Variants in PIP5K1C observed in about 807,000 individuals in gnomAD.
The protein encoded by PIP5K1C is phosphatidylinositol-4-phosphate 5-kinase type 1 gamma.
Under a neutral mutation model 80.1 loss-of-function variants are expected in PIP5K1C, and 45 were observed. The observed-to-expected ratio is 0.56, with a 90% CI of 0.44 to 0.72. The LOEUF (loss-of-function observed/expected upper bound fraction) is 0.72, where lower values mean the gene tolerates loss of function less well. Ranked by LOEUF, PIP5K1C falls within the 30% of genes least tolerant of loss-of-function variation. The probability of loss-of-function intolerance (pLI) is 0.00; values close to 1 mark genes in which losing one functional copy is unlikely to be tolerated. For synonymous variants in PIP5K1C, 498 were observed against 420.1 expected (o/e 1.19, Z -2.27); for missense variants, 753 against 954.6 (o/e 0.79, Z 2.78).
At chr19:3,654,533 G>A (rs1019263373) in intron 6 of PIP5K1C, among the ~76,000 whole-genome samples, 1 of 152,244 alleles carries the variant, frequency 6.6e-6, no homozygotes, top group African/African-American at 2.4e-5. Flanking sequence ...AAAGTGGAAA[G>A]GGCCCAGTGC....
In PIP5K1C at chr19:3,643,641, C is replaced by A. The variant is rs538702102; in HGVS notation, c.1511-260G>T. ...CCGTCCCCTCTCCACTCTCCCTCCC[C>A]GCTGTCTTCCCCTCCACTGCTCTCT... On this transcript the variant is annotated intron_variant, in intron 12 of 17. Transcript: ENST00000335312. Among the ~76,000 whole-genome samples, 30 of 152,036 alleles carry A rather than the reference C, an allele frequency of 2.0e-4. 1 individual carries two copies. Among genetic ancestry groups the A allele is most frequent in the Non-Finnish European group, 1.5e-5 (1 of 67,982 alleles).
chr19:3,678,480 G>A (rs2145564724), intron 1 of PIP5K1C, among the ~76,000 whole-genome samples: 1 of 131,920 alleles, frequency 7.6e-6, no homozygotes, highest in Non-Finnish European at 1.6e-5. Context: ...AGGGATGGAG[G>A]AGGGATGGAG....
At chr19:3,639,124 T>C (rs2033845475) in intron 15 of PIP5K1C, 108 bp from the exon 16 acceptor site, 1 of 1,361,202 alleles carries the variant, frequency 7.3e-7, no homozygotes, top group Admixed American at 1.9e-5. Flanking sequence ...ATCACGGAGA[T>C]GAAAAGCCAG....
At position 3,655,163 on chromosome 19, in the gene PIP5K1C, A is replaced by G. The variant is rs1334420807; in HGVS notation, c.621+1242T>C. On this transcript the variant is annotated intron_variant, in intron 6 of 17. Transcript: ENST00000335312. ...GCCAGGCGCGGTGGCTCACGCCTAT[A>G]ATTCCAACACTCCAGGAGGCCGAGA... is the stretch of plus-strand genomic sequence containing the variant. 4.7e-5 allele frequency among the ~76,000 whole-genome samples: 7 copies of G among 148,718 alleles called. No homozygotes were observed. The Admixed American group carries it at 4.8e-4, about 10-fold the overall frequency.
intron 16 of PIP5K1C, chr19:3,638,082 C>T (rs948503942): frequency 1.2e-5 from 17 of 1,436,082 alleles, no homozygotes; most frequent in South Asian, 7.3e-5. Context: ...GCCTGGTGCC[C>T]GTGCCCAGCC....
At chr19:3,670,286 A>T (rs1293028285) in intron 1 of PIP5K1C, among the ~76,000 whole-genome samples, 1 of 152,160 alleles carries the variant, frequency 6.6e-6, no homozygotes, top group Non-Finnish European at 1.5e-5. Flanking sequence ...CGTATTTGGA[A>T]AGAGAGTCTT....
In PIP5K1C at chr19:3,661,838, G is replaced by T. The variant is rs1463344334; in HGVS notation, c.350+33C>A. On this transcript the variant is annotated intron_variant, in intron 4 of 17. Coordinates refer to ENST00000335312, the MANE Select transcript of PIP5K1C (RefSeq NM_012398.3). ...CCGCCTCAGAGCCACGTGTGTGCTG[G>T]GTGAGCCCTGAGGCTCCGGGGGCCC... 13 of 1,608,142 alleles carry T rather than the reference G, an allele frequency of 8.1e-6. 1 individual carries two copies. Among genetic ancestry groups the T allele is most frequent in the African/African-American group, 1.3e-5 (1 of 74,930 alleles).
rs959550770 is a variant in PIP5K1C at position 3,632,785 on chromosome 19, C to T, written c.*382G>A. 9.3e-6 allele frequency: 2 copies of T among 214,818 alleles called. No individual in the cohort carries two copies. The highest frequency in any genetic ancestry group is 2.3e-5 in the African/African-American group (1 of 43,348). The allele number at this position is 214,818 out of a possible 1,614,324, so 13.3% of individuals were successfully genotyped here. A position where few individuals can be genotyped will look rare whatever the true frequency, so the allele number is the denominator to read the frequency against. ...ACAGCCTGGCTTCTTCCTCAGGACA[C>T]AGGCAGGCACAGCAGAGAACCAAAG... is the stretch of plus-strand genomic sequence containing the variant. On this transcript the variant is annotated 3_prime_UTR_variant, in exon 18 of 18. Transcript: ENST00000335312.
intron 2 of PIP5K1C, 131 bp from the exon 3 acceptor site, chr19:3,665,045 C>A: frequency 1.3e-6 from 1 of 765,354 alleles, no homozygotes; most frequent in South Asian, 1.5e-5. Context: ...GGGGGCAGGT[C>A]CAGGCGACTC....
At chr19:3,649,825 C>A (rs2145431459) in intron 8 of PIP5K1C, 1 of 163,266 alleles carries the variant, frequency 6.1e-6, no homozygotes, top group East Asian at 2.1e-4. Flanking sequence ...GCCCACACGT[C>A]CCCTGCCCAG....
intron 1 of PIP5K1C, among the ~76,000 whole-genome samples, chr19:3,680,472 T>G (rs909449035): frequency 2.0e-5 from 3 of 152,150 alleles, no homozygotes; most frequent in African/African-American, 7.2e-5. Flanking sequence ...TCTCAGCTAA[T>G]TTTTCTATTT....
chr19:3,637,254 TC>T lies in PIP5K1C; in HGVS notation c.1920+1629del. On this transcript the variant is annotated intron_variant, in intron 16 of 17. Transcript: ENST00000335312. This position sits in a 1 kb window ranked among gnomAD's most constrained non-coding sequence, Gnocchi z 7.0. Reference sequence around the variant, plus strand: ...GGGGCTCGCTGGGGTCTGGCCGGGGTCCGAAGCAGACCCTGGGCCTCAGCTG... The same window carrying T: ...GGGGCTCGCTGGGGTCTGGCCGGGGTCGAAGCAGACCCTGGGCCTCAGCTG... 1 of 1,456,370 alleles carries T rather than the reference TC, an allele frequency of 6.9e-7. No individual in the cohort carries two copies. The highest frequency in any genetic ancestry group is 9.0e-7 in the Non-Finnish European group (1 of 1,107,090). The allele number at this position is 1,456,370 out of a possible 1,614,324, so 90.2% of individuals were successfully genotyped here. A position where few individuals can be genotyped will look rare whatever the true frequency, so the allele number is the denominator to read the frequency against.
chr19:3,642,284 G>A (rs1054303313), intron 14 of PIP5K1C, among the ~76,000 whole-genome samples: 1 of 152,222 alleles, frequency 6.6e-6, no homozygotes, highest in African/African-American at 2.4e-5. Flanking sequence ...GCAACACCGC[G>A]CCACTGCCCC....
chr19:3,653,140 T>G (rs2034509764), intron 7 of PIP5K1C, 150 bp downstream of exon 7: 1 of 677,948 alleles, frequency 1.5e-6, no homozygotes, highest in South Asian at 1.8e-5. Context: ...TGAGCGCTTC[T>G]GGATCCCACA....
At chr19:3,644,729 G>T (rs564434331) in intron 11 of PIP5K1C, among the ~76,000 whole-genome samples, 5 of 152,228 alleles carry the variant, frequency 3.3e-5, no homozygotes, top group African/African-American at 4.8e-5. Flanking sequence ...TGTGCGGCTC[G>T]GTCTCTCTGG....
chr19:3,638,519 C>T (rs1185931745), intron 16 of PIP5K1C, among the ~76,000 whole-genome samples: 1 of 152,242 alleles, frequency 6.6e-6, no homozygotes, highest in Non-Finnish European at 1.5e-5. Context: ...CAGGGCCTCC[C>T]GAGGGGCCAA....
chr19:3,672,293 C>A (rs377184522), intron 1 of PIP5K1C, among the ~76,000 whole-genome samples: 4 of 152,238 alleles, frequency 2.6e-5, no homozygotes, highest in African/African-American at 9.6e-5. Context: ...TCCGCCCTGG[C>A]CCTGCCAGTG....
intron 16 of PIP5K1C, among the ~76,000 whole-genome samples, chr19:3,635,660 G>A (rs533045792): frequency 1.3e-5 from 2 of 151,726 alleles, no homozygotes; most frequent in East Asian, 3.9e-4. Flanking sequence ...TCCAGCCTGG[G>A]TGACAGAGTG....
chr19:3,633,375 G>T, intron 17 of PIP5K1C, 62 bp downstream of exon 17: 1 of 1,302,108 alleles, frequency 7.7e-7, no homozygotes, highest in Non-Finnish European at 1.0e-6. Flanking sequence ...AGTAGCTGGG[G>T]ACCACGCTCA....
Sources: gnomAD v4.1 joint callset for allele counts (sites outside exome capture counted in the v4.1 genomes callset) on GRCh38, gnomAD v4.1.1 for gene constraint, Gnocchi (gnomAD v3.1) non-coding constraint, MANE v1.5 for transcripts, NCBI Gene and HGNC (gene_info 2026-07-23, HGNC 2026-07-21) for gene names.